The following COL5A2 variants were observed in gnomAD, a reference collection of about 807,000 sequenced individuals.
COL5A2 encodes collagen type V alpha 2 chain.
COL5A2 carries 23 observed loss-of-function variants against 208.2 expected under a neutral mutation model. The ratio of observed to expected loss-of-function variants is 0.11; its 90% CI spans 0.08 to 0.16. The LOEUF (loss-of-function observed/expected upper bound fraction) is 0.16, where lower values mean the gene tolerates loss of function less well. Ranked by LOEUF, COL5A2 falls within the 10% of genes least tolerant of loss-of-function variation. The pLI, the probability that COL5A2 is intolerant of heterozygous loss-of-function variation, is 1.00. For synonymous variants in COL5A2, 625 were observed against 628.5 expected, an observed-to-expected ratio of 0.99 and a Z score of 0.08; for missense variants, 1,590 against 1,956.4, an observed-to-expected ratio of 0.81 and a Z score of 3.53.
chr2:189,278,179 T>C, the COL5A2 span, among the ~76,000 whole-genome samples: 8 of 152,158 alleles, frequency 5.3e-5, no homozygotes, highest in Non-Finnish European at 1.0e-4. Flanking sequence ...CTTCTCTCGA[T>C]AAGCTGAACC....
the COL5A2 span, among the ~76,000 whole-genome samples, chr2:189,305,551 A>G: frequency 2.6e-5 from 4 of 152,230 alleles, no homozygotes; most frequent in African/African-American, 9.6e-5. Flanking sequence ...ACATTGATCT[A>G]GAACTTCCTA....
the COL5A2 span, among the ~76,000 whole-genome samples, chr2:189,323,307 G>T: frequency 6.6e-6 from 1 of 152,114 alleles, no homozygotes. Context: ...CATAGTGTTG[G>T]AAGTTCTGGC....
At position 189,127,771 on chromosome 2, in the gene COL5A2, C is replaced by T. The variant is rs1477764809; in HGVS notation, c.98-17322G>A. On this transcript the variant is annotated intron_variant, in intron 1 of 53. Transcript: ENST00000374866. ...GATTCAAATCCATTTACATGTGTATCAAATGTAGAGTCATGCTCACCTGTC... is the reference window on the plus strand; with the variant it reads ...GATTCAAATCCATTTACATGTGTATTAAATGTAGAGTCATGCTCACCTGTC... Among the ~76,000 whole-genome samples, 8 of 151,974 alleles carry T rather than the reference C, an allele frequency of 5.3e-5. No homozygotes were observed. In the East Asian group the frequency reaches 1.5e-3, roughly 29 times the overall value.
At chr2:189,090,958 G>C (rs72906307) in intron 7 of COL5A2, among the ~76,000 whole-genome samples, 20,136 of 152,096 alleles carry the variant, frequency 0.13, 1,346 homozygotes, top group Middle Eastern at 0.19. Flanking sequence ...CCATTTTGCA[G>C]CCCATGGATA....
the COL5A2 span, among the ~76,000 whole-genome samples, chr2:189,403,356 T>C: frequency 3.3e-5 from 5 of 152,326 alleles, no homozygotes; most frequent in South Asian, 1.0e-3. Flanking sequence ...CATCTGCAAA[T>C]GGTGATACTT....
At chr2:189,434,430 C>T in the COL5A2 span, among the ~76,000 whole-genome samples, 2 of 152,002 alleles carry the variant, frequency 1.3e-5, no homozygotes, top group Non-Finnish European at 2.9e-5. Context: ...TTTAGAAAAC[C>T]CCATTGTCTC....
At chr2:189,128,481 G>T (rs1410362492) in intron 1 of COL5A2, among the ~76,000 whole-genome samples, 8 of 151,758 alleles carry the variant, frequency 5.3e-5, no homozygotes, top group African/African-American at 1.9e-4. Context: ...TGAAGAGTTT[G>T]TTGTTTTTTG....
chr2:189,220,015 G>A (rs1689327609), intron 1 of COL5A2, among the ~76,000 whole-genome samples: 1 of 150,696 alleles, frequency 6.6e-6, no homozygotes, highest in African/African-American at 2.4e-5. Flanking sequence ...TCTGTGTAGA[G>A]CACAAATGGC....
Position 189,051,357 on chromosome 2 carries a change from G to T in COL5A2, c.2894C>A (p.Pro965Gln). The T allele has an allele frequency of 6.2e-7, 1 of 1,614,030 alleles. No individual in the cohort carries two copies. Among genetic ancestry groups the T allele is most frequent in the Non-Finnish European group, 8.5e-7 (1 of 1,179,978 alleles). Reference sequence around the variant, plus strand: ...TTCTCCTGGGTCCCCTTTGTCTCCTGGGCCACCAGGGGGGCCAGCTGGTCC... The same window carrying T: ...TTCTCCTGGGTCCCCTTTGTCTCCTTGGCCACCAGGGGGGCCAGCTGGTCC... ...DRGPAGPPGG[P>Q]GDKGDPGEDG... Residue 965 changes from proline to glutamine, a missense_variant, in exon 42 of 54, where the codon CCA (proline) becomes CAA (glutamine). Transcript: ENST00000374866.
At chr2:189,105,368 G>A (rs1321588753) in intron 2 of COL5A2, among the ~76,000 whole-genome samples, 2 of 151,512 alleles carry the variant, frequency 1.3e-5, no homozygotes, top group Non-Finnish European at 3.0e-5. Context: ...GTGATACCCA[G>A]TATGCTATCA....
intron 23 of COL5A2, among the ~76,000 whole-genome samples, chr2:189,065,324 G>T (rs1382630844): frequency 6.6e-6 from 1 of 152,204 alleles, no homozygotes; most frequent in Admixed American, 6.5e-5. Flanking sequence ...GAGGTCAGGA[G>T]TTCAAGACCA....
At chr2:189,416,454 C>A in the COL5A2 span, among the ~76,000 whole-genome samples, 1 of 152,048 alleles carries the variant, frequency 6.6e-6, no homozygotes, top group South Asian at 2.1e-4. Flanking sequence ...AGCAAACTAT[C>A]GCAAGGACAA....
intron 35 of COL5A2, among the ~76,000 whole-genome samples, chr2:189,055,841 T>A (rs1454711318): frequency 6.6e-6 from 1 of 152,208 alleles, no homozygotes; most frequent in Non-Finnish European, 1.5e-5. Flanking sequence ...TATTTTAGAT[T>A]TTCCCTTAAA....
At chr2:189,040,941 G>T (rs1014219013) in intron 50 of COL5A2, among the ~76,000 whole-genome samples, 17 of 152,120 alleles carry the variant, frequency 1.1e-4, no homozygotes, top group Admixed American at 7.9e-4. Flanking sequence ...TTGCTATGAA[G>T]GGCAAAGGAA....
chr2:189,314,441 T>C, the COL5A2 span, among the ~76,000 whole-genome samples: 5 of 151,994 alleles, frequency 3.3e-5, no homozygotes, highest in African/African-American at 1.2e-4. Context: ...TTACAGCAGT[T>C]TTAAGAGGGA....
At chr2:189,040,312 A>G (rs147332766) in intron 50 of COL5A2, among the ~76,000 whole-genome samples, 16 of 147,832 alleles carry the variant, frequency 1.1e-4, no homozygotes, top group African/African-American at 4.0e-4. Context: ...CTTTGAATTG[A>G]CATAAATAAA....
In COL5A2 at chr2:189,068,816, G is replaced by A; in HGVS notation, c.1227C>T (p.Pro409=). 1 of 1,613,242 alleles carries A rather than the reference G, an allele frequency of 6.2e-7. No individual in the cohort carries two copies. The highest frequency in any genetic ancestry group is 1.1e-5 in the South Asian group (1 of 91,050). ...GPQGQRGETG[P]PGPVGSPGLP... ...GACCTGGAGAGCCAACTGGACCTGGGGGCCCAGTTTCACCTCTCTGCCCCT... is the reference window on the plus strand; with the variant it reads ...GACCTGGAGAGCCAACTGGACCTGGAGGCCCAGTTTCACCTCTCTGCCCCT... Residue 409 remains proline, a synonymous_variant, in exon 19 of 54, where the codon CCC becomes CCT. Transcript: ENST00000374866.
chr2:189,206,730 AT>A (rs570494734), intron 1 of COL5A2, among the ~76,000 whole-genome samples: 1 of 151,930 alleles, frequency 6.6e-6, no homozygotes, highest in Non-Finnish European at 1.5e-5. Flanking sequence ...TCAATAAAAT[AT>A]GGGGGACACG....
At chr2:189,396,711 C>T in the COL5A2 span, among the ~76,000 whole-genome samples, 3 of 143,496 alleles carry the variant, frequency 2.1e-5, no homozygotes, top group Non-Finnish European at 4.5e-5. Context: ...AGGCCGGGCG[C>T]GGTGGCTTAT....
Sources: allele counts gnomAD v4.1 joint callset (sites outside exome capture counted in the v4.1 genomes callset), GRCh38; gene constraint gnomAD v4.1.1; transcripts MANE v1.5; gene names NCBI Gene and HGNC (gene_info 2026-07-23, HGNC 2026-07-21).